DTX1: variants seen among roughly 807,000 people sequenced by gnomAD.
DTX1 encodes the protein E3 ubiquitin-protein ligase DTX1.
A neutral mutation model predicts 57.8 loss-of-function variants in DTX1; 26 were observed. The observed-to-expected ratio is 0.45, with a 90% CI of 0.33 to 0.62. The LOEUF (loss-of-function observed/expected upper bound fraction) is 0.62, where lower values mean the gene tolerates loss of function less well. Among genes scored for constraint, DTX1 ranks in the 20% least tolerant of loss-of-function variants. The pLI is 0.02. For synonymous variants in DTX1, 398 were observed against 394.1 expected, an observed-to-expected ratio of 1.01 and a Z score of -0.12; for missense variants, 704 against 895.3, an observed-to-expected ratio of 0.79 and a Z score of 2.73.
At chr12:113,061,438 C>T (rs1271410673) in intron 2 of DTX1, among the ~76,000 whole-genome samples, 2 of 152,206 alleles carry the variant, frequency 1.3e-5, no homozygotes, top group Non-Finnish European at 2.9e-5. Flanking sequence ...ACGTCTTGTC[C>T]TCATTGGTAA....
chr12:113,079,909 T>A (rs2044804466), intron 3 of DTX1, among the ~76,000 whole-genome samples: 1 of 152,170 alleles, frequency 6.6e-6, no homozygotes, highest in Non-Finnish European at 1.5e-5. Context: ...TCCCTCTCCT[T>A]CCTTGAGCCT....
At chr12:113,079,153 C>G (rs1032921049) in intron 3 of DTX1, among the ~76,000 whole-genome samples, 1 of 152,062 alleles carries the variant, frequency 6.6e-6, no homozygotes, top group Middle Eastern at 3.2e-3. Flanking sequence ...AGCAAAGAAC[C>G]AAGCCCTGAG....
At position 113,079,515 on chromosome 12, in the gene DTX1, C is replaced by CTTTTTTTTTTTTTT. The variant is rs3038193; in HGVS notation, c.941+1427_941+1440dup. On this transcript the variant is annotated intron_variant, in intron 3 of 9. Coordinates refer to ENST00000548759, the MANE Select transcript of DTX1 (RefSeq NM_004416.3). ...TTCGAATCCCCTCTTGGCCACTTCT[C>CTTTTTTTTTTTTTT]TTTTTTTTTTTTTTTTTTTTTTTTT... 3.9e-5 allele frequency among the ~76,000 whole-genome samples: 3 copies of CTTTTTTTTTTTTTT among 77,174 alleles called. 1 individual carries two copies. The highest frequency in any genetic ancestry group is 1.6e-4 in the Admixed American group (1 of 6,408). 50.6% of individuals were successfully genotyped at this position (77,174 alleles called of 152,430 possible). A position where few individuals can be genotyped will look rare whatever the true frequency, so the allele number is the denominator to read the frequency against.
chr12:113,080,338 G>C (rs2044807647), intron 3 of DTX1, among the ~76,000 whole-genome samples: 2 of 152,188 alleles, frequency 1.3e-5, no homozygotes, highest in Admixed American at 1.3e-4. Flanking sequence ...ATAGACAGCA[G>C]CTGGGCTCTG....
chr12:113,085,222 A>G (rs757723412), intron 3 of DTX1, among the ~76,000 whole-genome samples: 42 of 151,910 alleles, frequency 2.8e-4, no homozygotes, highest in Middle Eastern at 3.2e-3. Context: ...CTAATTTTTT[A>G]TATTTTTTGT....
rs1032603759 is a variant in DTX1, at chr12:113,093,899, TGGCCAACCCTTGCCAGCCTGACCCC to T, written c.1166-113_1166-89del. 283 of 1,428,706 alleles carry T rather than the reference TGGCCAACCCTTGCCAGCCTGACCCC, an allele frequency of 2.0e-4. 2 individuals carry two copies. The Middle Eastern group carries it at 2.0e-3, about 10-fold the overall frequency. The allele number at this position is 1,428,706 out of a possible 1,614,324, so 88.5% of individuals were successfully genotyped here. On this transcript the variant is annotated intron_variant, in intron 5 of 9. Coordinates refer to ENST00000548759, the MANE Select transcript of DTX1 (RefSeq NM_004416.3). The surrounding 1 kb of genome is among the most constrained non-coding windows in gnomAD (Gnocchi z 4.2). Reference sequence around the variant, plus strand: ...TCCAGCAACCCCTGACCTCTGACCCTGGCCAACCCTTGCCAGCCTGACCCCGGCCAACCCTTGCCAGCCTGACCCC... The same window carrying T: ...TCCAGCAACCCCTGACCTCTGACCCTGGCCAACCCTTGCCAGCCTGACCCC...
chr12:113,087,000 C>G (rs1407538004), intron 3 of DTX1, among the ~76,000 whole-genome samples: 3 of 151,554 alleles, frequency 2.0e-5, no homozygotes, highest in Non-Finnish European at 4.4e-5. Flanking sequence ...CGTGGCTGCC[C>G]CGGGCCGTGG....
chr12:113,082,645 G>T (rs2044827201), intron 3 of DTX1, among the ~76,000 whole-genome samples: 1 of 152,160 alleles, frequency 6.6e-6, no homozygotes, highest in Non-Finnish European at 1.5e-5. Flanking sequence ...GCCCAGGCTG[G>T]AGTACAGTGG....
At chr12:113,057,120 C>T (rs1316896599) in intron 1 of DTX1, among the ~76,000 whole-genome samples, 176 bp downstream of exon 1, 2 of 152,038 alleles carry the variant, frequency 1.3e-5, no homozygotes, top group Non-Finnish European at 2.9e-5. Context: ...CCCTGGGCCG[C>T]GCCTGCAGCG....
chr12:113,057,610 C>T lies in DTX1; in HGVS notation c.-583C>T, dbSNP rs2136420081. The T allele has an allele frequency of 1.3e-5, 2 of 153,862 alleles. No homozygotes were observed. The highest frequency in any genetic ancestry group is 3.9e-4 in the East Asian group (2 of 5,178). The allele number at this position is 153,862 out of a possible 1,614,324, so 9.5% of individuals were successfully genotyped here. A position where few individuals can be genotyped will look rare whatever the true frequency, so the allele number is the denominator to read the frequency against. ...CTGCGGCCACCCAGGCCTTCCAGGA[C>T]ACCGTGGAGAGGGAACAAGGGGGCA... On this transcript the variant is annotated 5_prime_UTR_variant, in exon 2 of 10. Transcript: ENST00000548759.
At chr12:113,074,730 T>A (rs772719370) in intron 2 of DTX1, among the ~76,000 whole-genome samples, 1 of 152,258 alleles carries the variant, frequency 6.6e-6, no homozygotes, top group South Asian at 2.1e-4. Context: ...GCAGGAGAGA[T>A]AACATGGCGG....
Position 113,057,959 on chromosome 12 carries a change from C to G in DTX1, c.-234C>G. ...TAAGAGAGACACTTGCTTTCCAGGGCAGCACCCTTTATCGGAGAAGGCTCT... is the reference window on the plus strand; with the variant it reads ...TAAGAGAGACACTTGCTTTCCAGGGGAGCACCCTTTATCGGAGAAGGCTCT... On this transcript the variant is annotated 5_prime_UTR_variant, in exon 2 of 10. Transcript: ENST00000548759. 1 of 633,102 alleles carries G rather than the reference C, an allele frequency of 1.6e-6. No individual in the cohort carries two copies. The highest frequency in any genetic ancestry group is 2.6e-6 in the Non-Finnish European group (1 of 379,932). The allele number at this position is 633,102 out of a possible 1,614,324, so 39.2% of individuals were successfully genotyped here.
intron 1 of DTX1, among the ~76,000 whole-genome samples, 177 bp downstream of exon 1, chr12:113,057,121 G>A (rs558257388): frequency 6.6e-5 from 10 of 151,714 alleles, no homozygotes; most frequent in Non-Finnish European, 1.2e-4. Flanking sequence ...CCTGGGCCGC[G>A]CCTGCAGCGC....
intron 2 of DTX1, among the ~76,000 whole-genome samples, chr12:113,060,220 ATTAT>A (rs1428669382): frequency 1.3e-5 from 2 of 152,096 alleles, no homozygotes; most frequent in African/African-American, 4.8e-5. Flanking sequence ...CCATCATATG[ATTAT>A]TTATTGATCT....
chr12:113,086,130 C>T (rs543543587), intron 3 of DTX1, among the ~76,000 whole-genome samples: 9 of 151,738 alleles, frequency 5.9e-5, no homozygotes, highest in East Asian at 1.9e-4. Flanking sequence ...TAGCTGGGTG[C>T]GGTGGTGCGT....
In DTX1 at chr12:113,082,839, C is replaced by T. The variant is rs182406602; in HGVS notation, c.941+4734C>T. Among the ~76,000 whole-genome samples, 190 of 152,324 alleles carry T rather than the reference C, an allele frequency of 1.2e-3. 3 individuals are homozygous for T. Among genetic ancestry groups the T allele is most frequent in the Admixed American group, 8.0e-3 (123 of 15,298 alleles). ...TCTCAAACTCCTGGCCTCAAGCATC[C>T]GCCTGCCTCAGCCTCCAAAAGTGCT... On this transcript the variant is annotated intron_variant, in intron 3 of 9. Coordinates refer to ENST00000548759, the MANE Select transcript of DTX1 (RefSeq NM_004416.3).
At chr12:113,064,474 A>G (rs1245956609) in intron 2 of DTX1, among the ~76,000 whole-genome samples, 1 of 152,238 alleles carries the variant, frequency 6.6e-6, no homozygotes, top group African/African-American at 2.4e-5. Flanking sequence ...AATCCATTTC[A>G]GAGTCTAATC....
chr12:113,094,829 G>T lies in DTX1; in HGVS notation c.1268G>T (p.Gly423Val). 1 of 1,613,866 alleles carries T rather than the reference G, an allele frequency of 6.2e-7. No homozygotes were observed. Among genetic ancestry groups the T allele is most frequent in the Non-Finnish European group, 8.5e-7 (1 of 1,179,998 alleles). Residue 423 changes from glycine to valine, a missense_variant, in exon 7 of 10, where the codon GGC becomes GTC. Coordinates refer to ENST00000548759, the MANE Select transcript of DTX1 (RefSeq NM_004416.3). ...ICMERLVTAS[G>V]YEGVLRHKGV... ...ATGGAGCGACTGGTCACAGCATCAG[G>T]CTACGAGGGCGTGCTTCGGCACAAG...
chr12:113,087,982 T>A (rs2044875006), intron 3 of DTX1, among the ~76,000 whole-genome samples: 1 of 152,204 alleles, frequency 6.6e-6, no homozygotes, highest in Non-Finnish European at 1.5e-5. Context: ...TGATCTACCC[T>A]GCCCAGGCCT....
Sources: allele counts gnomAD v4.1 joint callset (sites outside exome capture counted in the v4.1 genomes callset), GRCh38; gene constraint gnomAD v4.1.1; non-coding constraint Gnocchi (gnomAD v3.1); transcripts MANE v1.5; gene names NCBI Gene and HGNC (gene_info 2026-07-23, HGNC 2026-07-21).